The following FRMD4B variants were observed in gnomAD, a reference collection of about 807,000 sequenced individuals.
The protein encoded by FRMD4B is FERM domain containing 4B, also known as FERM domain-containing protein 4B.
Under a neutral mutation model 141.5 loss-of-function variants are expected in FRMD4B, and 74 were observed. That is an observed-to-expected ratio of 0.52 (90% CI 0.43 to 0.63). FRMD4B has a LOEUF of 0.63. Ranked by LOEUF, FRMD4B falls within the 30% of genes least tolerant of loss-of-function variation. The probability of loss-of-function intolerance (pLI) is 0.00; values close to 1 mark genes in which losing one functional copy is unlikely to be tolerated. For synonymous variants in FRMD4B, 506 were observed against 467.9 expected (o/e 1.08, Z -1.05); for missense variants, 1,366 against 1,253.4 (o/e 1.09, Z -1.36).
intron 5 of FRMD4B, among the ~76,000 whole-genome samples, chr3:69,263,304 A>G (rs1413534858): frequency 1.3e-5 from 2 of 152,112 alleles, no homozygotes; most frequent in Admixed American, 1.3e-4. Flanking sequence ...AGCAGACAGA[A>G]TAAGGACTGT....
At chr3:69,362,162 A>T (rs1175710661) in intron 1 of FRMD4B, among the ~76,000 whole-genome samples, 1 of 152,208 alleles carries the variant, frequency 6.6e-6, no homozygotes, top group African/African-American at 2.4e-5. Flanking sequence ...CATATGTGCC[A>T]TACTCTGTTC....
At chr3:69,523,141 A>G (rs907426434) in intron 1 of FRMD4B, among the ~76,000 whole-genome samples, 1 of 151,404 alleles carries the variant, frequency 6.6e-6, no homozygotes, top group Non-Finnish European at 1.5e-5. Flanking sequence ...AAACAACTAG[A>G]GAAAAATTAA....
At chr3:69,379,641 AATT>A (rs367731833) in intron 1 of FRMD4B, among the ~76,000 whole-genome samples, 296 of 152,240 alleles carry the variant, frequency 1.9e-3, no homozygotes, top group Middle Eastern at 0.01. Context: ...TCTGTGATAG[AATT>A]ATGGACTTTT....
chr3:69,520,240 A>AAT (rs56084649), intron 1 of FRMD4B, among the ~76,000 whole-genome samples: 2 of 55,940 alleles, frequency 3.6e-5, no homozygotes, highest in East Asian at 4.0e-4. Flanking sequence ...TATATGATGG[A>AAT]ATATATATAT....
At chr3:69,254,554 A>C (rs1332930809) in intron 5 of FRMD4B, among the ~76,000 whole-genome samples, 1 of 152,054 alleles carries the variant, frequency 6.6e-6, no homozygotes. Context: ...TACCATCTTA[A>C]CCCTGTGATG....
At chr3:69,224,260 T>C (rs1211080521) in intron 8 of FRMD4B, among the ~76,000 whole-genome samples, 2 of 152,220 alleles carry the variant, frequency 1.3e-5, no homozygotes, top group Admixed American at 1.3e-4. Context: ...ATAACACTTA[T>C]ATTGCATTCT....
intron 7 of FRMD4B, among the ~76,000 whole-genome samples, chr3:69,248,849 T>C (rs1486589039): frequency 1.3e-5 from 2 of 152,264 alleles, no homozygotes; most frequent in Non-Finnish European, 1.5e-5. Flanking sequence ...AAGCAGCTGA[T>C]GGATTTAATC....
chr3:69,392,845 C>T (rs918079906), intron 2 of FRMD4B, among the ~76,000 whole-genome samples: 3 of 152,110 alleles, frequency 2.0e-5, no homozygotes, highest in African/African-American at 7.2e-5. Flanking sequence ...CCGAGCGACA[C>T]AAGTTCTGTT....
chr3:69,209,266 C>A (rs746240268), intron 11 of FRMD4B, among the ~76,000 whole-genome samples: 2 of 152,114 alleles, frequency 1.3e-5, no homozygotes, highest in Non-Finnish European at 2.9e-5. Context: ...GAGGAGCCTG[C>A]CTAGGCCTCC....
chr3:69,451,084 C>T (rs6787023), intron 1 of FRMD4B, among the ~76,000 whole-genome samples: 1 of 151,890 alleles, frequency 6.6e-6, no homozygotes, highest in Non-Finnish European at 1.5e-5. Context: ...CCTTCCACTC[C>T]GAGCCTCTGC....
At position 69,383,161 on chromosome 3, in the gene FRMD4B, A is replaced by G. The variant is rs73835816; in HGVS notation, c.162+2667T>C. Among the ~76,000 whole-genome samples, 1,260 of 152,360 alleles carry G rather than the reference A, an allele frequency of 8.3e-3. 21 individuals are homozygous for G. The highest frequency in any genetic ancestry group is 0.029 in the African/African-American group (1,190 of 41,584). ...ATAAATGATGAAGCTGAAGTATAGTAAGATTAACTTACCCACGGTCATACA... is the reference window on the plus strand; with the variant it reads ...ATAAATGATGAAGCTGAAGTATAGTGAGATTAACTTACCCACGGTCATACA... On this transcript the variant is annotated intron_variant, in intron 1 of 22. Transcript: ENST00000398540.
Position 69,270,574 on chromosome 3 carries a change from T to TC in FRMD4B, c.501+17177_501+17178insG, listed in dbSNP as rs200712633. Among the ~76,000 whole-genome samples, 32 of 148,130 alleles carry TC rather than the reference T, an allele frequency of 2.2e-4. No homozygotes were observed. In the East Asian group the frequency reaches 3.7e-3, roughly 17 times the overall value. ...TTTTCTTTTTTTCTTTTTTTCTTTT[T>TC]TTTTTTTTTTGAGACGGAGTCTCGC... On this transcript the variant is annotated intron_variant, in intron 5 of 22. Transcript: ENST00000398540.
chr3:69,216,224 TG>T, intron 11 of FRMD4B, 38 bp downstream of exon 11: 1 of 1,044,754 alleles, frequency 9.6e-7, no homozygotes, highest in South Asian at 1.4e-5. Flanking sequence ...TAACATGTTT[TG>T]AACAGTTCAA....
intron 1 of FRMD4B, among the ~76,000 whole-genome samples, chr3:69,507,693 G>A (rs1706620868): frequency 6.6e-6 from 1 of 152,070 alleles, no homozygotes; most frequent in African/African-American, 2.4e-5. Flanking sequence ...TTAGAAAGGG[G>A]CATCATAACA....
rs146438244 is a variant in FRMD4B, at chr3:69,507,341, A to C, written c.-129+34865T>G. On this transcript the variant is annotated intron_variant, in intron 1 of 5. Coordinates refer to the FRMD4B transcript ENST00000459638. The stretch of plus-strand genomic sequence containing the variant: ...TTTCAAGTTCTAAGATATTTTAGGC[A>C]TATGCAACCATGCATGCACGTATGT... Among the ~76,000 whole-genome samples, 209 of 152,270 alleles carry C rather than the reference A, an allele frequency of 1.4e-3. 1 individual carries two copies. The highest frequency in any genetic ancestry group is 2.1e-3 in the Non-Finnish European group (146 of 68,006).
Position 69,248,244 on chromosome 3 carries a change from T to TAC in FRMD4B, c.581+980_581+981dup, listed in dbSNP as rs147851519. 1.6e-3 allele frequency among the ~76,000 whole-genome samples: 239 copies of TAC among 150,770 alleles called. 2 individuals carry two copies. The highest frequency in any genetic ancestry group is 0.013 in the East Asian group (66 of 5,148). ...ATTTCTTAACCTAGAAAAATGTAAA[T>TAC]ACACACACACACACACAAATATATA... is the stretch of plus-strand genomic sequence containing the variant. On this transcript the variant is annotated intron_variant, in intron 7 of 22. Transcript: ENST00000398540.
At chr3:69,414,861 GTTTT>G (rs5849900) in intron 2 of FRMD4B, among the ~76,000 whole-genome samples, 1 of 98,040 alleles carries the variant, frequency 1.0e-5, no homozygotes, top group African/African-American at 4.1e-5. Context: ...CGAACAAGCT[GTTTT>G]TTTTTTTTTT....
chr3:69,441,940 G>A (rs1386505628), intron 1 of FRMD4B, among the ~76,000 whole-genome samples: 1 of 152,168 alleles, frequency 6.6e-6, no homozygotes, highest in Non-Finnish European at 1.5e-5. Flanking sequence ...GCTTAGAACA[G>A]TGAAAGTGCC....
rs1169584495 is a variant in FRMD4B at position 69,496,637 on chromosome 3, A to AAGAGAGAG, written c.-129+45561_-129+45568dup. Among the ~76,000 whole-genome samples the AAGAGAGAG allele has an allele frequency of 6.2e-3, 353 of 56,494 alleles. 10 individuals are homozygous for AAGAGAGAG. Among genetic ancestry groups the AAGAGAGAG allele is most frequent in the African/African-American group, 9.0e-3 (111 of 12,352 alleles). The allele number at this position is 56,494 out of a possible 152,430, so 37.1% of individuals were successfully genotyped here. A position where few individuals can be genotyped will look rare whatever the true frequency, so the allele number is the denominator to read the frequency against. On this transcript the variant is annotated intron_variant, in intron 1 of 5. Coordinates refer to the FRMD4B transcript ENST00000459638. ...TGAGAGAGAGAGAGAGAGAGAGAGA[A>AAGAGAGAG]AGAGAGAGAGAGAGAGAGAGAGAGA...
Sources: gnomAD v4.1 joint callset for allele counts (sites outside exome capture counted in the v4.1 genomes callset) on GRCh38, gnomAD v4.1.1 for gene constraint, MANE v1.5 for transcripts, NCBI Gene and HGNC (gene_info 2026-07-23, HGNC 2026-07-21) for gene names.